The following ARL5B variants were observed in gnomAD, a reference collection of about 807,000 sequenced individuals.
ARL5B encodes ARF like GTPase 5B.
Under a neutral mutation model 26.9 loss-of-function variants are expected in ARL5B, and 10 were observed. The observed-to-expected ratio is 0.37, with a 90% CI of 0.23 to 0.63. ARL5B has a LOEUF of 0.63. Among genes scored for constraint, ARL5B ranks in the 30% least tolerant of loss-of-function variants. The pLI, the probability that ARL5B is intolerant of heterozygous loss-of-function variation, is 0.62. For missense variants in ARL5B, 167 were observed against 213.9 expected (o/e 0.78, Z 1.37); for synonymous variants, 87 against 70.4 (o/e 1.24, Z -1.18).
intron 1 of ARL5B, among the ~76,000 whole-genome samples, chr10:18,663,169 TGG>T (rs1253261664): frequency 6.6e-6 from 1 of 151,886 alleles, no homozygotes; most frequent in Non-Finnish European, 1.5e-5. Context: ...CCACCATGCC[TGG>T]CTAATTTTCG....
At chr10:18,659,899 G>C in intron 1 of ARL5B, 1 of 985,350 alleles carries the variant, frequency 1.0e-6, no homozygotes, top group Non-Finnish European at 1.2e-6. Context: ...GAAGGTATTT[G>C]GCGTCCCAGA....
In ARL5B at chr10:18,676,091, T is replaced by C. The variant is rs922078226; in HGVS notation, c.*875T>C. 2.0e-5 allele frequency: 3 copies of C among 152,484 alleles called. No individual in the cohort carries two copies. The highest frequency in any genetic ancestry group is 4.4e-5 in the Non-Finnish European group (3 of 67,942). 9.4% of individuals were successfully genotyped at this position (152,484 alleles called of 1,614,324 possible). On this transcript the variant is annotated 3_prime_UTR_variant, in exon 6 of 6. Coordinates refer to ENST00000377275, the MANE Select transcript of ARL5B (RefSeq NM_178815.5). ...AGCATCAGTTTACAAACAACTTTAT[T>C]ATCAACAGAAATTTTAGCTCTTTTC...
At chr10:18,664,358 A>G (rs2059850992) in intron 1 of ARL5B, among the ~76,000 whole-genome samples, 2 of 150,220 alleles carry the variant, frequency 1.3e-5, no homozygotes, top group Admixed American at 1.3e-4. Context: ...AAGTGTTGGA[A>G]TTACAGGTGT....
Position 18,679,873 on chromosome 10 carries a change from C to T in ARL5B, c.*4657C>T, listed in dbSNP as rs541960098. ...TCTGCCTCTCCTCGTATTTAGGGTA[C>T]TTAAAATTACTAAAAAATACTGTCT... On this transcript the variant is annotated 3_prime_UTR_variant, in exon 6 of 6. Transcript: ENST00000377275. 1 of 151,996 alleles carries T rather than the reference C, an allele frequency of 6.6e-6. No homozygotes were observed. The highest frequency in any genetic ancestry group is 2.1e-4 in the South Asian group (1 of 4,828). 9.4% of individuals were successfully genotyped at this position (151,996 alleles called of 1,614,324 possible).
intron 1 of ARL5B, among the ~76,000 whole-genome samples, chr10:18,663,488 C>T (rs2059845987): frequency 6.6e-6 from 1 of 151,064 alleles, no homozygotes; most frequent in Admixed American, 6.6e-5. Context: ...TCCTTTACTT[C>T]TGACTGCTCA....
rs1170479121 is a variant in ARL5B at position 18,677,257 on chromosome 10, T to C, written c.*2041T>C. 2 of 152,244 alleles carry C rather than the reference T, an allele frequency of 1.3e-5. No homozygotes were observed. Among genetic ancestry groups the C allele is most frequent in the Non-Finnish European group, 2.9e-5 (2 of 67,818 alleles). The allele number at this position is 152,244 out of a possible 1,614,324, so 9.4% of individuals were successfully genotyped here. ...GGCTCAATTTTCTTCTGTCAAATTA[T>C]ATGGTTATTTTTTATATTACCACAT... On this transcript the variant is annotated 3_prime_UTR_variant, in exon 6 of 6. Coordinates refer to ENST00000377275, the MANE Select transcript of ARL5B (RefSeq NM_178815.5).
intron 3 of ARL5B, among the ~76,000 whole-genome samples, chr10:18,670,610 C>A (rs1433959561): frequency 2.7e-5 from 4 of 149,236 alleles, no homozygotes; most frequent in African/African-American, 9.9e-5. Context: ...CGCTCTCTCT[C>A]AAAAAAAAAG....
chr10:18,671,796 G>C (rs2059888939), intron 3 of ARL5B, among the ~76,000 whole-genome samples: 1 of 151,928 alleles, frequency 6.6e-6, no homozygotes, highest in Admixed American at 6.6e-5. Flanking sequence ...CTCCCAAGTA[G>C]GTGGGACTAT....
intron 1 of ARL5B, among the ~76,000 whole-genome samples, chr10:18,666,162 CA>C (rs2059860324): frequency 6.6e-6 from 1 of 152,138 alleles, no homozygotes; most frequent in East Asian, 1.9e-4. Context: ...GGGAAACTTA[CA>C]GATATGAAAA....
chr10:18,672,584 C>T (rs1160807582), intron 3 of ARL5B, 38 bp from the exon 4 acceptor site: 3 of 1,491,614 alleles, frequency 2.0e-6, no homozygotes, highest in Admixed American at 3.5e-5. Flanking sequence ...TTCAGCATCC[C>T]ATTCAATTTT....
chr10:18,679,755 T>C lies in ARL5B; in HGVS notation c.*4539T>C, dbSNP rs1024404170. 1 of 151,778 alleles carries C rather than the reference T, an allele frequency of 6.6e-6. No homozygotes were observed. The highest frequency in any genetic ancestry group is 1.5e-5 in the Non-Finnish European group (1 of 67,806). The allele number at this position is 151,778 out of a possible 1,614,324, so 9.4% of individuals were successfully genotyped here. ...GTTTAGAAGCATACGAAAAACAAATTCAAAGCACTTGAAAGTAAAGACAAT... is the reference window on the plus strand; with the variant it reads ...GTTTAGAAGCATACGAAAAACAAATCCAAAGCACTTGAAAGTAAAGACAAT... On this transcript the variant is annotated 3_prime_UTR_variant, in exon 6 of 6. Transcript: ENST00000377275.
chr10:18,660,664 A>G (rs987018342), intron 1 of ARL5B, among the ~76,000 whole-genome samples: 3 of 152,166 alleles, frequency 2.0e-5, no homozygotes, highest in Non-Finnish European at 4.4e-5. Context: ...CTTGTTCTGT[A>G]GATTGATAAG....
chr10:18,678,281 G>A lies in ARL5B; in HGVS notation c.*3065G>A. 1 of 151,686 alleles carries A rather than the reference G, an allele frequency of 6.6e-6. No homozygotes were observed. Among genetic ancestry groups the A allele is most frequent in the Non-Finnish European group, 1.5e-5 (1 of 67,694 alleles). The allele number at this position is 151,686 out of a possible 1,614,324, so 9.4% of individuals were successfully genotyped here. A position where few individuals can be genotyped will look rare whatever the true frequency, so the allele number is the denominator to read the frequency against. On this transcript the variant is annotated 3_prime_UTR_variant, in exon 6 of 6. Transcript: ENST00000377275. ...TTATTCTATATTCATTAGAAGAAAG[G>A]TAATAAATTTAAGTTTCATTGCTGA... is the stretch of plus-strand genomic sequence containing the variant.
At position 18,678,828 on chromosome 10, in the gene ARL5B, T is replaced by C. The variant is rs1357630279; in HGVS notation, c.*3612T>C. The C allele has an allele frequency of 1.3e-5, 2 of 151,814 alleles. No individual in the cohort carries two copies. The highest frequency in any genetic ancestry group is 2.4e-5 in the African/African-American group (1 of 41,408). The allele number at this position is 151,814 out of a possible 1,614,324, so 9.4% of individuals were successfully genotyped here. On this transcript the variant is annotated 3_prime_UTR_variant, in exon 6 of 6. Coordinates refer to ENST00000377275, the MANE Select transcript of ARL5B (RefSeq NM_178815.5). ...GTGCTAGCCATCTAAAAAAGTGGAT[T>C]TGAGCCTTAATTTGGCCGTTTCTCA...
In ARL5B at chr10:18,672,684, A is replaced by G. The variant is rs761294822; in HGVS notation, c.318A>G (p.Leu106=). 3.1e-6 allele frequency: 5 copies of G among 1,609,894 alleles called. No homozygotes were observed. Among genetic ancestry groups the G allele is most frequent in the African/African-American group, 1.3e-5 (1 of 74,986 alleles). ...RERLAITKEE[L]YRMLAHEDLR... is the part of the protein sequence containing the mutation. ...GACTAGCTATTACAAAAGAAGAATT[A>G]TACAGAATGTTGGCTCATGAGGTAA... The change falls in exon 4 of 6, where the codon TTA becomes TTG. Residue 106 remains leucine, a synonymous_variant. Coordinates refer to ENST00000377275, the MANE Select transcript of ARL5B (RefSeq NM_178815.5).
intron 1 of ARL5B, among the ~76,000 whole-genome samples, chr10:18,660,966 G>C (rs903702289): frequency 6.6e-6 from 1 of 152,100 alleles, no homozygotes; most frequent in African/African-American, 2.4e-5. Context: ...TTGTTCCTCA[G>C]CCTCCCGAGT....
At chr10:18,667,623 T>C (rs568855354) in intron 2 of ARL5B, among the ~76,000 whole-genome samples, 5 of 152,220 alleles carry the variant, frequency 3.3e-5, no homozygotes, top group Admixed American at 1.3e-4. Flanking sequence ...AGGGCATATT[T>C]GTTGAATTAA....
At position 18,677,711 on chromosome 10, in the gene ARL5B, T is replaced by G. The variant is rs1293269425; in HGVS notation, c.*2495T>G. ...AAAATGTACATTTGTAATTAGTGCC[T>G]TTATTCATATTTTGAAATAAGTTCT... On this transcript the variant is annotated 3_prime_UTR_variant, in exon 6 of 6. Transcript: ENST00000377275. 2.6e-5 allele frequency: 4 copies of G among 152,316 alleles called. No homozygotes were observed. In the East Asian group the frequency reaches 5.8e-4, roughly 22 times the overall value. 9.4% of individuals were successfully genotyped at this position (152,316 alleles called of 1,614,324 possible). A position where few individuals can be genotyped will look rare whatever the true frequency, so the allele number is the denominator to read the frequency against.
intron 2 of ARL5B, among the ~76,000 whole-genome samples, chr10:18,667,673 G>T (rs2059867457): frequency 6.6e-6 from 1 of 151,878 alleles, no homozygotes; most frequent in African/African-American, 2.4e-5. Flanking sequence ...GATAATACGA[G>T]GGGTATGAGC....
Sources: allele counts gnomAD v4.1 joint callset (sites outside exome capture counted in the v4.1 genomes callset), GRCh38; gene constraint gnomAD v4.1.1; transcripts MANE v1.5; gene names NCBI Gene and HGNC (gene_info 2026-07-23, HGNC 2026-07-21).